The following AK7 variants were observed in gnomAD, a reference collection of about 807,000 sequenced individuals.
AK7 encodes ATP-AMP transphosphorylase 7.
Under a neutral mutation model 96.6 loss-of-function variants are expected in AK7, and 78 were observed. The observed-to-expected ratio is 0.81, with a 90% confidence interval of 0.67 to 0.97. The LOEUF is 0.97. Ranked by LOEUF, AK7 falls within the 50% of genes least tolerant of loss-of-function variation. The pLI is 0.00. For synonymous variants in AK7, 302 were observed against 317.2 expected (o/e 0.95, Z 0.51); for missense variants, 855 against 887.9 (o/e 0.96, Z 0.47).
chr14:96,404,944 C>A, intron 3 of AK7, 79 bp downstream of exon 3: 1 of 996,102 alleles, frequency 1.0e-6, no homozygotes, highest in Non-Finnish European at 1.5e-6. Context: ...TCTAGGAACA[C>A]TAGACAAAGT....
chr14:96,439,939 G>A (rs1892873003), intron 6 of AK7, among the ~76,000 whole-genome samples: 1 of 152,186 alleles, frequency 6.6e-6, no homozygotes, highest in Admixed American at 6.6e-5. Flanking sequence ...AGAGAGGTTG[G>A]TTGAACTGAT....
chr14:96,453,782 T>C (rs1324179677), intron 10 of AK7, among the ~76,000 whole-genome samples: 2 of 152,144 alleles, frequency 1.3e-5, no homozygotes, highest in Admixed American at 1.3e-4. Flanking sequence ...CATCCTGGTT[T>C]TACACCTGGA....
At chr14:96,461,917 G>T (rs986606281) in intron 12 of AK7, among the ~76,000 whole-genome samples, 5 of 152,110 alleles carry the variant, frequency 3.3e-5, no homozygotes, top group Non-Finnish European at 7.4e-5. Context: ...ACATATAATT[G>T]GCCTTTGCAA....
rs143703275 is a variant in AK7, at chr14:96,413,821, T to G, written c.498+4880T>G. Among the ~76,000 whole-genome samples the G allele has an allele frequency of 1.7e-3, 259 of 152,330 alleles. 4 individuals carry two copies. Among genetic ancestry groups the G allele is most frequent in the East Asian group, 6.4e-3 (33 of 5,192 alleles). On this transcript the variant is annotated intron_variant, in intron 4 of 17. Transcript: ENST00000267584. Reference sequence around the variant, plus strand: ...TAGATTGTTGTAAATGCTACTGGCTTCCTGTCATGATGCCACCCCACTGTC... The same window carrying G: ...TAGATTGTTGTAAATGCTACTGGCTGCCTGTCATGATGCCACCCCACTGTC...
At chr14:96,440,358 A>G (rs989169463) in intron 6 of AK7, among the ~76,000 whole-genome samples, 4 of 152,072 alleles carry the variant, frequency 2.6e-5, no homozygotes, top group South Asian at 4.1e-4. Context: ...ATTCTCAGCT[A>G]CTTCTCACCT....
At position 96,451,525 on chromosome 14, in the gene AK7, T is replaced by C; in HGVS notation, c.1053T>C (p.Asn351=). 1 of 1,597,234 alleles carries C rather than the reference T, an allele frequency of 6.3e-7. No individual in the cohort carries two copies. Residue 351 remains asparagine (N), a synonymous_variant, in exon 10 of 18, where the codon AAT becomes AAC. Coordinates refer to ENST00000267584, the MANE Select transcript of AK7 (RefSeq NM_152327.5). ...CTGCCCAAACAGGATTTGTGGAAAATATCAACACTATCCTCAAGGAGTACA... is the reference window on the plus strand; with the variant it reads ...CTGCCCAAACAGGATTTGTGGAAAACATCAACACTATCCTCAAGGAGTACA... The part of the protein sequence containing the change: ...RWAAQTGFVE[N]INTILKEYKQ...
intron 7 of AK7, among the ~76,000 whole-genome samples, chr14:96,446,260 G>A (rs1348262984): frequency 6.6e-5 from 10 of 152,194 alleles, no homozygotes; most frequent in Non-Finnish European, 2.9e-5. Flanking sequence ...AGAACCAGAT[G>A]CATCTGACCT....
rs1386165236 is a variant in AK7, at chr14:96,437,850, GC to G, written c.626del (p.Ala209AspfsTer3). On this transcript the variant is annotated frameshift_variant, in exon 6 of 18. Transcript: ENST00000267584. LOFTEE classifies it high-confidence loss of function. ...TATCTAATAGGCCAGAAAATTTGCA[GC>G]ATACGTAGTTGCTGCTGGACTCCAG... ...KFGKKARKFA[A>X]YVVAAGLQYG... 6.2e-7 allele frequency: 1 copy of G among 1,610,416 alleles called. No individual in the cohort carries two copies. The highest frequency in any genetic ancestry group is 8.5e-7 in the Non-Finnish European group (1 of 1,178,240).
chr14:96,434,766 C>T lies in AK7; in HGVS notation c.610-3069C>T, dbSNP rs568590332. 1.2e-4 allele frequency among the ~76,000 whole-genome samples: 18 copies of T among 152,098 alleles called. No individual in the cohort carries two copies. The South Asian group carries it at 3.1e-3, about 26-fold the overall frequency. On this transcript the variant is annotated intron_variant, in intron 5 of 17. Transcript: ENST00000267584. ...TGATAAACCTTAGAAGTCTACCTGG[C>T]GTTCTATTGTATTGCGGCTGAGCTA...
At chr14:96,397,570 T>A (rs1374638441) in intron 1 of AK7, among the ~76,000 whole-genome samples, 1 of 152,120 alleles carries the variant, frequency 6.6e-6, no homozygotes, top group African/African-American at 2.4e-5. Context: ...AAATTAATTT[T>A]ACCCTTTGTT....
At position 96,438,828 on chromosome 14, in the gene AK7, T is replaced by C. The variant is rs1892796205; in HGVS notation, c.690+913T>C. Among the ~76,000 whole-genome samples, 12 of 152,278 alleles carry C rather than the reference T, an allele frequency of 7.9e-5. No individual in the cohort carries two copies. In the South Asian group the frequency reaches 2.5e-3, roughly 32 times the overall value. On this transcript the variant is annotated intron_variant, in intron 6 of 17. Transcript: ENST00000267584. ...GGAAACCAGTGAGCAGGGTAGTGCC[T>C]AAGACCTGGGTGGGCATGGTGGGGA...
chr14:96,398,454 C>T (rs1890214675), intron 2 of AK7, 191 bp downstream of exon 2: 1 of 625,582 alleles, frequency 1.6e-6, no homozygotes, highest in East Asian at 2.8e-5. Flanking sequence ...TCGGCCAAAG[C>T]AAAGAGTTTA....
intron 1 of AK7, among the ~76,000 whole-genome samples, chr14:96,395,937 G>A (rs956631326): frequency 8.2e-5 from 12 of 147,104 alleles, no homozygotes; most frequent in East Asian, 2.1e-4. Flanking sequence ...TCAGCCTCCC[G>A]AGTAGCTGGG....
At chr14:96,415,630 T>C (rs930906581) in intron 4 of AK7, among the ~76,000 whole-genome samples, 8 of 151,862 alleles carry the variant, frequency 5.3e-5, no homozygotes, top group Non-Finnish European at 1.2e-4. Context: ...AGTTTGGTTT[T>C]CTGTTGCTGG....
At chr14:96,408,397 C>T (rs1236674409) in intron 3 of AK7, among the ~76,000 whole-genome samples, 1 of 152,204 alleles carries the variant, frequency 6.6e-6, no homozygotes, top group Non-Finnish European at 1.5e-5. Flanking sequence ...GCATCTGTAA[C>T]CCAGAATACC....
chr14:96,418,321 C>CCAAAA (rs1595388574), intron 4 of AK7, among the ~76,000 whole-genome samples: 1 of 6,238 alleles, frequency 1.6e-4, no homozygotes, highest in African/African-American at 1.1e-3. Flanking sequence ...GAGACCTTGT[C>CCAAAA]TAAAAAAAAA....
chr14:96,449,731 G>GC (rs1893472929), intron 8 of AK7, 71 bp from the exon 9 acceptor site: 1 of 1,173,210 alleles, frequency 8.5e-7, no homozygotes, highest in African/African-American at 1.5e-5. Context: ...ACTGCGCCTG[G>GC]CCCATTTGAG....
At chr14:96,464,103 A>G (rs1894423180) in intron 12 of AK7, among the ~76,000 whole-genome samples, 1 of 152,134 alleles carries the variant, frequency 6.6e-6, no homozygotes, top group African/African-American at 2.4e-5. Flanking sequence ...AGACTACTCT[A>G]TTACAGAGTA....
chr14:96,485,432 G>A (rs1471531728), intron 16 of AK7, among the ~76,000 whole-genome samples: 1 of 152,188 alleles, frequency 6.6e-6, no homozygotes, highest in Admixed American at 6.5e-5. Context: ...CTGTAGGTAT[G>A]TGGCCTTGTG....
Sources: allele counts gnomAD v4.1 joint callset (sites outside exome capture counted in the v4.1 genomes callset), GRCh38; gene constraint gnomAD v4.1.1; transcripts MANE v1.5; gene names NCBI Gene and HGNC (gene_info 2026-07-23, HGNC 2026-07-21).